SIN3A: variants seen among roughly 807,000 people sequenced by gnomAD.
The protein encoded by SIN3A is SIN3 transcription regulator family member A.
SIN3A carries 14 observed loss-of-function variants against 146.1 expected under a neutral mutation model. The ratio of observed to expected loss-of-function variants is 0.10; its 90% CI spans 0.06 to 0.15. The LOEUF is 0.15. SIN3A is among the 10% of genes least tolerant of loss of function. The pLI is 1.00. For missense variants in SIN3A, 1,028 were observed against 1,576.0 expected (o/e 0.65, Z 5.89); for synonymous variants, 572 against 572.0 (o/e 1.00, Z 0.00).
chr15:75,395,346 C>T (rs1218642948), intron 13 of SIN3A, among the ~76,000 whole-genome samples: 1 of 152,026 alleles, frequency 6.6e-6, no homozygotes, highest in Non-Finnish European at 1.5e-5. Context: ...AGCACTAAAA[C>T]TGAAGAATAA....
At position 75,401,982 on chromosome 15, in the gene SIN3A, A is replaced by C; in HGVS notation, c.1408-12T>G. ...AGAGCCTTTCGGACCTTATGGAGAC[A>C]ACGGGAAGAAAAACAGTTTTTGTTT... is the stretch of plus-strand genomic sequence containing the variant. On this transcript the variant is annotated splice_polypyrimidine_tract_variant and intron_variant, in intron 9 of 20. Transcript: ENST00000394947. The C allele has an allele frequency of 6.5e-7, 1 of 1,532,312 alleles. No homozygotes were observed. Among genetic ancestry groups the C allele is most frequent in the Non-Finnish European group, 9.0e-7 (1 of 1,109,496 alleles). The allele number at this position is 1,532,312 out of a possible 1,614,324, so 94.9% of individuals were successfully genotyped here.
chr15:75,403,976 A>AT (rs1418510151), intron 9 of SIN3A, among the ~76,000 whole-genome samples: 1 of 152,224 alleles, frequency 6.6e-6, no homozygotes. Flanking sequence ...TCTATTTACA[A>AT]TATTGAGCAT....
intron 16 of SIN3A, among the ~76,000 whole-genome samples, chr15:75,389,303 G>GAA (rs11300642): frequency 3.5e-5 from 5 of 144,708 alleles, no homozygotes; most frequent in East Asian, 2.0e-4. Flanking sequence ...TCTATTTAAG[G>GAA]AAAAAAAAAA....
At chr15:75,404,052 C>T (rs141158817) in intron 9 of SIN3A, among the ~76,000 whole-genome samples, 3 of 152,300 alleles carry the variant, frequency 2.0e-5, no homozygotes, top group Non-Finnish European at 4.4e-5. Flanking sequence ...AGCTAGATTA[C>T]CAATCTGGAG....
intron 5 of SIN3A, 52 bp downstream of exon 5, chr15:75,412,711 G>A (rs2073663094): frequency 6.9e-7 from 1 of 1,456,584 alleles, no homozygotes; most frequent in East Asian, 2.4e-5. Flanking sequence ...ATCAAAGGAA[G>A]GTGCTCTCTA....
intron 1 of SIN3A, among the ~76,000 whole-genome samples, chr15:75,449,174 T>C (rs1158524126): frequency 3.3e-5 from 5 of 152,230 alleles, no homozygotes; most frequent in Non-Finnish European, 5.9e-5. Context: ...GTTTATGGCA[T>C]CAGAAAAAAC....
chr15:75,371,822 G>A lies in SIN3A; in HGVS notation c.*157C>T. The A allele has an allele frequency of 1.6e-6, 1 of 641,192 alleles. No individual in the cohort carries two copies. The highest frequency in any genetic ancestry group is 2.0e-5 in the South Asian group (1 of 50,218). 39.7% of individuals were successfully genotyped at this position (641,192 alleles called of 1,614,324 possible). ...GTTCCTAACAGGTAGCCCACTTGGT[G>A]CCAGGCTGCACCAGCCACACACAGG... On this transcript the variant is annotated 3_prime_UTR_variant, in exon 21 of 21. Coordinates refer to ENST00000394947, the MANE Select transcript of SIN3A (RefSeq NM_001145358.2).
At chr15:75,422,247 A>T in intron 3 of SIN3A, 1 of 304,516 alleles carries the variant, frequency 3.3e-6, no homozygotes, top group Non-Finnish European at 6.0e-6. Context: ...AAAATTTTTA[A>T]GAATTTAAAA....
At position 75,400,872 on chromosome 15, in the gene SIN3A, G is replaced by A; in HGVS notation, c.1595C>T (p.Thr532Ile). 3.1e-6 allele frequency: 5 copies of A among 1,614,152 alleles called. No individual in the cohort carries two copies. The highest frequency in any genetic ancestry group is 4.2e-6 in the Non-Finnish European group (5 of 1,180,012). ...LGYKESVHLETYPKERATEGI... is the reference protein window; with the variant it reads ...LGYKESVHLEIYPKERATEGI... ...CTCTGTGGCTCGCTCCTTTGGATAA[G>A]TTTCCAGATGTACAGACTCCTTATA... The change falls in exon 11 of 21, where the codon ACT becomes ATT. Residue 532 changes from threonine to isoleucine, a missense_variant. Transcript: ENST00000394947.
At chr15:75,409,741 AAAC>A (rs996269520) in intron 8 of SIN3A, 92 bp downstream of exon 8, 65 of 1,422,534 alleles carry the variant, frequency 4.6e-5, no homozygotes, top group East Asian at 9.2e-5. Flanking sequence ...AAACAAAAAA[AAAC>A]AACAACAACA....
chr15:75,411,283 G>A (rs1397151916), intron 6 of SIN3A, among the ~76,000 whole-genome samples: 7 of 152,126 alleles, frequency 4.6e-5, no homozygotes, highest in Non-Finnish European at 8.8e-5. Context: ...AGCTGAGATC[G>A]TGCCACTACA....
At position 75,371,950 on chromosome 15, in the gene SIN3A, A is replaced by C. The variant is rs547340922; in HGVS notation, c.*29T>G. The C allele has an allele frequency of 1.9e-6, 3 of 1,597,482 alleles. No individual in the cohort carries two copies. The highest frequency in any genetic ancestry group is 2.2e-5 in the South Asian group (2 of 90,672). On this transcript the variant is annotated 3_prime_UTR_variant, in exon 21 of 21. Transcript: ENST00000394947. ...GGCCCACACACACATCCCCACACACACCCCAAGTTATCTGCTCTGGCTTTG... is the reference window on the plus strand; with the variant it reads ...GGCCCACACACACATCCCCACACACCCCCCAAGTTATCTGCTCTGGCTTTG...
intron 1 of SIN3A, among the ~76,000 whole-genome samples, chr15:75,447,462 G>C (rs74023995): frequency 0.011 from 1,674 of 152,274 alleles, 34 homozygotes; most frequent in African/African-American, 0.038. Flanking sequence ...CTATGGTAGA[G>C]GGAGAGATCC....
intron 19 of SIN3A, among the ~76,000 whole-genome samples, chr15:75,378,677 G>A (rs543681037): frequency 2.6e-5 from 4 of 152,144 alleles, no homozygotes; most frequent in African/African-American, 4.8e-5. Flanking sequence ...ACACATTTGC[G>A]TGAGGCCAGA....
intron 1 of SIN3A, chr15:75,446,517 G>A (rs887215433): frequency 1.3e-5 from 2 of 151,608 alleles, no homozygotes; most frequent in African/African-American, 4.9e-5. Flanking sequence ...TTTGACACAG[G>A]GTCTCATTTT....
At chr15:75,439,001 C>T (rs1019524529) in intron 1 of SIN3A, among the ~76,000 whole-genome samples, 3 of 152,178 alleles carry the variant, frequency 2.0e-5, no homozygotes, top group Non-Finnish European at 4.4e-5. Flanking sequence ...AGAATTATTG[C>T]TTGGAAAAAT....
intron 14 of SIN3A, among the ~76,000 whole-genome samples, chr15:75,393,966 C>A (rs1567337654): frequency 6.6e-6 from 1 of 152,024 alleles, no homozygotes; most frequent in South Asian, 2.1e-4. Context: ...CACCACCACG[C>A]CTGGCTAATT....
chr15:75,372,351 GAA>G, intron 20 of SIN3A, 142 bp from the exon 21 acceptor site: 1 of 429,366 alleles, frequency 2.3e-6, no homozygotes, highest in Non-Finnish European at 4.1e-6. Context: ...TTTCTTAAAA[GAA>G]AAAAAAAAGG....
intron 1 of SIN3A, among the ~76,000 whole-genome samples, chr15:75,430,908 TG>T (rs1201697136): frequency 6.6e-6 from 1 of 152,052 alleles, no homozygotes; most frequent in Non-Finnish European, 1.5e-5. Context: ...CCCGAGTAGC[TG>T]GGACTACAGG....
Sources: gnomAD v4.1 joint callset for allele counts (sites outside exome capture counted in the v4.1 genomes callset) on GRCh38, gnomAD v4.1.1 for gene constraint, MANE v1.5 for transcripts, NCBI Gene and HGNC (gene_info 2026-07-23, HGNC 2026-07-21) for gene names.